Variants in SHISA9 observed in about 807,000 individuals in gnomAD.
SHISA9 encodes protein shisa-9.
Under a neutral mutation model 38.0 loss-of-function variants are expected in SHISA9, and 13 were observed. The ratio of observed to expected loss-of-function variants is 0.34; its 90% CI spans 0.22 to 0.54. The LOEUF (loss-of-function observed/expected upper bound fraction) is 0.54. Ranked by LOEUF, SHISA9 falls within the 20% of genes least tolerant of loss-of-function variation. SHISA9 has a pLI of 0.91. For missense variants in SHISA9, 538 were observed against 575.8 expected, an observed-to-expected ratio of 0.93 and a Z score of 0.67; for synonymous variants, 275 against 242.0, an observed-to-expected ratio of 1.14 and a Z score of -1.27.
rs1236067912 is a variant in SHISA9, at chr16:13,100,144, C to T, written c.692-103250C>T. ...CACCATAGCTGATTCCTCAAGAGAA[C>T]TCAGAGATGCAGATTTTAACATATA... On this transcript the variant is annotated intron_variant, in intron 2 of 4. Transcript: ENST00000558583. Among the ~76,000 whole-genome samples, 5 of 152,216 alleles carry T rather than the reference C, an allele frequency of 3.3e-5. No homozygotes were observed. In the East Asian group the frequency reaches 5.8e-4, roughly 18 times the overall value.
the SHISA9 span, among the ~76,000 whole-genome samples, chr16:13,375,994 T>G: frequency 6.6e-6 from 1 of 152,174 alleles, no homozygotes; most frequent in East Asian, 1.9e-4. Context: ...ATCTTAAAAT[T>G]GGAAAACTCA....
chr16:13,427,561 T>C, the SHISA9 span, among the ~76,000 whole-genome samples: 6 of 151,992 alleles, frequency 3.9e-5, no homozygotes, highest in Admixed American at 1.3e-4. Context: ...GTGGCTTGAG[T>C]TGAATGATGA....
chr16:13,352,697 TAAGGGGGGG>T, the SHISA9 span, among the ~76,000 whole-genome samples: 97,724 of 128,996 alleles, frequency 0.76, 34,382 homozygotes, highest in East Asian at 0.82. Context: ...CGAAGGGAGA[TAAGGGGGGG>T]GGGGGGCGGG....
At chr16:13,289,220 C>G in the SHISA9 span, among the ~76,000 whole-genome samples, 1 of 152,182 alleles carries the variant, frequency 6.6e-6, no homozygotes, top group Non-Finnish European at 1.5e-5. Flanking sequence ...TGTCCTGTCT[C>G]TTGTCTATCA....
chr16:13,086,353 CAAAAAAAAAAAA>C (rs767516512), intron 2 of SHISA9, among the ~76,000 whole-genome samples: 1 of 50,966 alleles, frequency 2.0e-5, no homozygotes, highest in African/African-American at 7.7e-5. Flanking sequence ...GATTCCATCT[CAAAAAAAAAAAA>C]AAAAAAAAAA....
At chr16:13,047,704 A>G (rs2073203616) in intron 2 of SHISA9, among the ~76,000 whole-genome samples, 1 of 152,202 alleles carries the variant, frequency 6.6e-6, no homozygotes, top group Non-Finnish European at 1.5e-5. Flanking sequence ...CCCGTGTGCC[A>G]GGATCTGTGC....
intron 3 of SHISA9, among the ~76,000 whole-genome samples, chr16:13,208,868 G>A (rs1186521783): frequency 6.6e-6 from 1 of 152,086 alleles, no homozygotes; most frequent in African/African-American, 2.4e-5. Context: ...GCTTAGTAAG[G>A]ACTCCCAACA....
chr16:13,045,803 A>C (rs2073181680), intron 2 of SHISA9, among the ~76,000 whole-genome samples: 1 of 152,112 alleles, frequency 6.6e-6, no homozygotes, highest in East Asian at 1.9e-4. Context: ...CTAGGAATGA[A>C]GGCTTTTGTC....
At chr16:13,530,115 A>G in the SHISA9 span, among the ~76,000 whole-genome samples, 2 of 152,206 alleles carry the variant, frequency 1.3e-5, no homozygotes, top group Non-Finnish European at 2.9e-5. Flanking sequence ...CCTGGCCAAC[A>G]TGGTGAAATC....
chr16:12,978,753 T>G (rs1021722231), intron 2 of SHISA9, among the ~76,000 whole-genome samples: 4 of 152,212 alleles, frequency 2.6e-5, no homozygotes, highest in Non-Finnish European at 5.9e-5. Flanking sequence ...ATTTGTTTTC[T>G]TCCCATTGCA....
chr16:13,003,816 C>T (rs991018491), intron 2 of SHISA9, among the ~76,000 whole-genome samples: 3 of 151,944 alleles, frequency 2.0e-5, no homozygotes, highest in Admixed American at 6.6e-5. Context: ...CGAGATCGCG[C>T]CACTGCACTC....
chr16:13,478,318 A>G, the SHISA9 span, among the ~76,000 whole-genome samples: 52 of 152,108 alleles, frequency 3.4e-4, no homozygotes, highest in Non-Finnish European at 1.2e-4. Context: ...TTCTTTATGG[A>G]ATTGTCTGGA....
intron 3 of SHISA9, among the ~76,000 whole-genome samples, chr16:13,204,539 G>A (rs749147094): frequency 1.4e-4 from 21 of 152,128 alleles, no homozygotes; most frequent in Non-Finnish European, 2.9e-4. Flanking sequence ...TACTTTAGTG[G>A]GTAACACCCT....
chr16:12,971,067 G>A (rs896905290), intron 2 of SHISA9, among the ~76,000 whole-genome samples: 54 of 152,158 alleles, frequency 3.5e-4, no homozygotes, highest in Admixed American at 2.0e-4. Context: ...AGGAAATCTC[G>A]AAAGACACCC....
chr16:13,311,330 C>T, the SHISA9 span, among the ~76,000 whole-genome samples: 11 of 152,076 alleles, frequency 7.2e-5, no homozygotes, highest in Non-Finnish European at 1.2e-4. Context: ...GTTCATCCTA[C>T]GCAATAACTG....
the SHISA9 span, among the ~76,000 whole-genome samples, chr16:13,438,032 A>AT: frequency 6.6e-6 from 1 of 150,654 alleles, no homozygotes; most frequent in Admixed American, 6.7e-5. Context: ...GGCCCAGCTA[A>AT]TTTTTGTATT....
intron 2 of SHISA9, among the ~76,000 whole-genome samples, chr16:13,107,472 GAC>G (rs34291803): frequency 0.05 from 7,155 of 144,298 alleles, 222 homozygotes; most frequent in African/African-American, 0.088. Flanking sequence ...AAAAACAACA[GAC>G]ACACACACAC....
chr16:13,079,066 C>G (rs2073617461), intron 2 of SHISA9, among the ~76,000 whole-genome samples: 1 of 152,182 alleles, frequency 6.6e-6, no homozygotes. Context: ...ATTCCCTCCT[C>G]TTTAAAACGT....
At chr16:13,149,046 G>C (rs1182115776) in intron 2 of SHISA9, among the ~76,000 whole-genome samples, 1 of 152,100 alleles carries the variant, frequency 6.6e-6, no homozygotes, top group African/African-American at 2.4e-5. Context: ...AGGTGTTCTA[G>C]GCAAAGGGAT....
Sources: gnomAD v4.1 joint callset for allele counts (sites outside exome capture counted in the v4.1 genomes callset) on GRCh38, gnomAD v4.1.1 for gene constraint, MANE v1.5 for transcripts, NCBI Gene and HGNC (gene_info 2026-07-23, HGNC 2026-07-21) for gene names.